Variants in SYNE1 observed in about 807,000 individuals in gnomAD.
SYNE1 encodes the protein nesprin-1.
SYNE1 carries 616 observed loss-of-function variants against 1,111.0 expected under a neutral mutation model. That is an observed-to-expected ratio of 0.55 (90% CI 0.52 to 0.59). The LOEUF (loss-of-function observed/expected upper bound fraction) is 0.59. SYNE1 is among the 20% of genes least tolerant of loss of function. The pLI, the probability that SYNE1 is intolerant of heterozygous loss-of-function variation, is 0.00. For missense variants in SYNE1, 10,006 were observed against 10,417.0 expected, an observed-to-expected ratio of 0.96 and a Z score of 1.72; for synonymous variants, 3,855 against 3,825.8, an observed-to-expected ratio of 1.01 and a Z score of -0.28.
chr6:152,309,984 T>C lies in SYNE1; in HGVS notation c.17053A>G (p.Lys5685Glu), dbSNP rs756501077. ...TGGCAGAGCTGCACTGCTTGCACCT[T>C]CGGCTTCAGTGACTCCATCTCAGAC... ...LLSEMESLKP[K>E]VQAVQLCQSA... Residue 5685 changes from lysine (K) to glutamate (E), a missense_variant, in exon 90 of 146, where the codon AAG becomes GAG. Around this residue, in one of 7 missense-constraint regions of SYNE1, gnomAD observed 4,955 missense variants for 5,017.2 expected, o/e 0.99. Coordinates refer to ENST00000367255, the MANE Select transcript of SYNE1 (RefSeq NM_182961.4). The C allele has an allele frequency of 5.6e-6, 9 of 1,613,980 alleles. No homozygotes were observed. The East Asian group carries it at 2.0e-4, about 36-fold the overall frequency.
chr6:152,269,061 G>C, intron 99 of SYNE1, 94 bp downstream of exon 99: 1 of 1,576,898 alleles, frequency 6.3e-7, no homozygotes, highest in Non-Finnish European at 8.7e-7. Flanking sequence ...TCTGTCTTTA[G>C]TACAGAAGCA....
chr6:152,495,831 T>TC (rs2098996575), intron 11 of SYNE1, among the ~76,000 whole-genome samples: 1 of 152,224 alleles, frequency 6.6e-6, no homozygotes, highest in Non-Finnish European at 1.5e-5. Flanking sequence ...CCGTCCCTTG[T>TC]CCAAGTGTGT....
Position 152,148,277 on chromosome 6 carries a change from C to G in SYNE1, c.24744G>C (p.Leu8248=). 1.9e-6 allele frequency: 3 copies of G among 1,613,450 alleles called. No individual in the cohort carries two copies. Among genetic ancestry groups the G allele is most frequent in the Non-Finnish European group, 2.5e-6 (3 of 1,179,562 alleles). Residue 8248 remains leucine, a synonymous_variant, in exon 137 of 146, where the codon CTG becomes CTC. Transcript: ENST00000367255. The surrounding 1 kb of genome is among the most constrained non-coding windows in gnomAD (Gnocchi z 4.1). ...LHWHDRSADS[L]LSPQPSSNLS... ...GATTGGAGGAAGGCTGTGGAGAAAG[C>G]AGGCTGTCTGCAGAGCGGTCGTGCC...
At position 152,242,535 on chromosome 6, in the gene SYNE1, A is replaced by G. The variant is rs532518732; in HGVS notation, c.19693-95T>C. 21 of 1,409,010 alleles carry G rather than the reference A, an allele frequency of 1.5e-5. No individual in the cohort carries two copies. In the East Asian group the frequency reaches 3.2e-4, roughly 22 times the overall value. The allele number at this position is 1,409,010 out of a possible 1,614,324, so 87.3% of individuals were successfully genotyped here. A position where few individuals can be genotyped will look rare whatever the true frequency, so the allele number is the denominator to read the frequency against. On this transcript the variant is annotated intron_variant, in intron 106 of 145. Transcript: ENST00000367255. The stretch of plus-strand genomic sequence containing the variant: ...ATGAACGCACCAAGCCCGAGACCCA[A>G]CCAAGAAAATGCCTTCAGGGATGTG...
chr6:152,396,560 G>A (rs1182716312), intron 50 of SYNE1, among the ~76,000 whole-genome samples: 1 of 152,040 alleles, frequency 6.6e-6, no homozygotes, highest in Non-Finnish European at 1.5e-5. Flanking sequence ...AGTAAATATA[G>A]TTTGTTTTCT....
Position 152,462,896 on chromosome 6 carries a change from A to G in SYNE1, c.2098-6T>C, listed in dbSNP as rs568115375. The stretch of plus-strand genomic sequence containing the variant: ...ATCTCATCAGCTTGAGCATACTGTT[A>G]AGGAAAGGGAGGAGGGAACATCGTG... On this transcript the variant is annotated splice_region_variant and splice_polypyrimidine_tract_variant and intron_variant, in intron 19 of 145. Coordinates refer to ENST00000367255, the MANE Select transcript of SYNE1 (RefSeq NM_182961.4). The G allele has an allele frequency of 3.1e-6, 5 of 1,613,810 alleles. No homozygotes were observed. In the South Asian group the frequency reaches 3.3e-5, roughly 11 times the overall value.
At chr6:152,492,368 A>G (rs1254155424) in intron 11 of SYNE1, among the ~76,000 whole-genome samples, 2 of 152,350 alleles carry the variant, frequency 1.3e-5, no homozygotes, top group East Asian at 3.9e-4. Flanking sequence ...AGTTGCAATT[A>G]CTTGCCTCCA....
chr6:152,243,974 C>A (rs1404960356), intron 106 of SYNE1, among the ~76,000 whole-genome samples: 2 of 152,134 alleles, frequency 1.3e-5, no homozygotes, highest in African/African-American at 4.8e-5. Flanking sequence ...ATTCTCTGTT[C>A]CTGAAGGATG....
At position 152,352,287 on chromosome 6, in the gene SYNE1, C is replaced by A. The variant is rs1178919115; in HGVS notation, c.11320G>T (p.Ala3774Ser). 1.2e-6 allele frequency: 2 copies of A among 1,614,078 alleles called. No individual in the cohort carries two copies. The highest frequency in any genetic ancestry group is 1.7e-5 in the Admixed American group (1 of 60,002). ...LKSAREKGER[A>S]VKYLEEGEAE... ...TCGCCTTCCTCCAAGTATTTAACAG[C>A]CCTCTCTCCTTTCTCCCGGGCTGAT... The change falls in exon 70 of 146, where the codon GCT (alanine) becomes TCT (serine). Residue 3774 changes from alanine (A) to serine (S), a missense_variant. Physicochemically the swap from Ala to Ser is moderately conservative, Grantham distance 99. Around this residue, in one of 7 missense-constraint regions of SYNE1, gnomAD observed 4,955 missense variants for 5,017.2 expected, o/e 0.99. Transcript: ENST00000367255.
At chr6:152,218,928 A>C (rs758064637) in intron 120 of SYNE1, 75 bp downstream of exon 120, 16 of 1,470,828 alleles carry the variant, frequency 1.1e-5, no homozygotes, top group Non-Finnish European at 1.5e-5. Flanking sequence ...ATGACAAGGA[A>C]TTCTTTTTCT....
rs183586702 is a variant in SYNE1 at position 152,415,893 on chromosome 6, T to G, written c.6050+494A>C. Among the ~76,000 whole-genome samples the G allele has an allele frequency of 6.6e-5, 10 of 151,538 alleles. No individual in the cohort carries two copies. In the East Asian group the frequency reaches 1.9e-3, roughly 29 times the overall value. On this transcript the variant is annotated intron_variant, in intron 41 of 145. Coordinates refer to ENST00000367255, the MANE Select transcript of SYNE1 (RefSeq NM_182961.4). Reference sequence around the variant, plus strand: ...AGACAGGTCTCAATCAATTTAGAAGTTGATTTTGCCAAGGTTAAGGACATG... The same window carrying G: ...AGACAGGTCTCAATCAATTTAGAAGGTGATTTTGCCAAGGTTAAGGACATG...
chr6:152,282,124 TC>T, intron 96 of SYNE1, 144 bp from the exon 97 acceptor site: 1 of 775,040 alleles, frequency 1.3e-6, no homozygotes, highest in East Asian at 2.7e-5. Flanking sequence ...TTAGGCCACA[TC>T]CCAGAACAAC....
At chr6:152,446,445 AAGC>A (rs1356251284) in intron 29 of SYNE1, among the ~76,000 whole-genome samples, 3 of 152,144 alleles carry the variant, frequency 2.0e-5, no homozygotes, top group Non-Finnish European at 2.9e-5. Flanking sequence ...CTAAAATCGT[AAGC>A]AGTTCAGAGT....
chr6:152,506,841 T>C (rs180871710), intron 8 of SYNE1, among the ~76,000 whole-genome samples: 17 of 152,278 alleles, frequency 1.1e-4, no homozygotes, highest in South Asian at 4.2e-4. Flanking sequence ...CCCCCCAAAG[T>C]GCTGGGATTA....
At position 152,200,771 on chromosome 6, in the gene SYNE1, A is replaced by G. The variant is rs150242051; in HGVS notation, c.23145+1053T>C. ...CTTTGTAACCATTGCATACTTCTGAATGTAACAGCTCAAGATAGTACTTCT... is the reference window on the plus strand; with the variant it reads ...CTTTGTAACCATTGCATACTTCTGAGTGTAACAGCTCAAGATAGTACTTCT... On this transcript the variant is annotated intron_variant, in intron 127 of 145. Transcript: ENST00000367255. Among the ~76,000 whole-genome samples, 7 of 152,350 alleles carry G rather than the reference A, an allele frequency of 4.6e-5. No homozygotes were observed. The East Asian group carries it at 1.3e-3, about 29-fold the overall frequency.
At chr6:152,512,846 G>C (rs567576863) in intron 6 of SYNE1, among the ~76,000 whole-genome samples, 1 of 152,240 alleles carries the variant, frequency 6.6e-6, no homozygotes, top group South Asian at 2.1e-4. Context: ...ATTCTTAGTA[G>C]CCTAGGAGGG....
At position 152,150,886 on chromosome 6, in the gene SYNE1, G is replaced by A. The variant is rs875611; in HGVS notation, c.24450+667C>T. On this transcript the variant is annotated intron_variant, in intron 135 of 145. Coordinates refer to ENST00000367255, the MANE Select transcript of SYNE1 (RefSeq NM_182961.4). ...GAGGTTAAAGGAACCATGTGAAGGT[G>A]CTACAAACACATTAGAAAAAATAAA... Among the ~76,000 whole-genome samples, 76 of 152,224 alleles carry A rather than the reference G, an allele frequency of 5.0e-4. No homozygotes were observed. In the Middle Eastern group the frequency reaches 0.024, roughly 48 times the overall value.
intron 51 of SYNE1, 25 bp from the exon 52 acceptor site, chr6:152,391,593 A>AAAAAAAG: frequency 6.5e-7 from 1 of 1,533,052 alleles, no homozygotes; most frequent in Non-Finnish European, 8.6e-7. Context: ...AAAAAAAAAA[A>AAAAAAAG]AGAAAAAAAA....
chr6:152,535,108 T>G (rs1366268342), intron 4 of SYNE1, among the ~76,000 whole-genome samples: 2 of 152,188 alleles, frequency 1.3e-5, no homozygotes, highest in Non-Finnish European at 2.9e-5. Context: ...TTAGCATGGG[T>G]CCTAATCCAA....
Sources: allele counts gnomAD v4.1 joint callset (sites outside exome capture counted in the v4.1 genomes callset), GRCh38; gene constraint gnomAD v4.1.1; regional missense constraint gnomAD v4.1.1; non-coding constraint Gnocchi (gnomAD v3.1); transcripts MANE v1.5; gene names NCBI Gene and HGNC (gene_info 2026-07-23, HGNC 2026-07-21).